ZNF273: variants seen among roughly 807,000 people sequenced by gnomAD.
ZNF273 encodes the protein zinc finger protein 273.
In ZNF273, 11 loss-of-function variants were observed where a neutral mutation model predicts 14.9. The observed-to-expected ratio is 0.74, with a 90% CI of 0.46 to 1.22. The LOEUF is 1.22. Ranked by LOEUF, ZNF273 falls within the 50% of genes most tolerant of loss-of-function variation. The pLI is 0.00. For synonymous variants in ZNF273, 199 were observed against 223.9 expected (o/e 0.89, Z 0.99); for missense variants, 577 against 660.6 (o/e 0.87, Z 1.39).
chr7:64,897,966 A>C (rs1792464588), exon 4 of ZNF273: 2 of 151,532 alleles, frequency 1.3e-5, no homozygotes, highest in Non-Finnish European at 2.9e-5. Context: ...TGACCTCGTA[A>C]TCCTCCCGCC....
chr7:64,916,557 A>C (rs1312420468), intron 1 of ZNF273, among the ~76,000 whole-genome samples: 4 of 151,220 alleles, frequency 2.6e-5, no homozygotes, highest in Non-Finnish European at 4.4e-5. Context: ...AAAAAAAAAA[A>C]AAAAAAAACC....
At chr7:64,918,072 A>C in intron 2 of ZNF273, 125 bp from the exon 3 acceptor site, 1 of 790,548 alleles carries the variant, frequency 1.3e-6, no homozygotes, top group Non-Finnish European at 1.8e-6. Context: ...AATTTACATT[A>C]CTAATTAGAT....
downstream of ZNF273, among the ~76,000 whole-genome samples, chr7:64,881,397 G>A (rs1289176097): frequency 6.6e-6 from 1 of 152,234 alleles, no homozygotes; most frequent in East Asian, 1.9e-4. Flanking sequence ...TTGAATGAGT[G>A]TTTCCTTCTA....
downstream of ZNF273, among the ~76,000 whole-genome samples, chr7:64,890,615 C>G (rs1427376637): frequency 1.3e-5 from 2 of 152,174 alleles, no homozygotes; most frequent in African/African-American, 2.4e-5. Flanking sequence ...GTGGCAGGTC[C>G]CATGTCCCTG....
At chr7:64,905,766 T>C (rs1406810186) in intron 1 of ZNF273, among the ~76,000 whole-genome samples, 1 of 152,180 alleles carries the variant, frequency 6.6e-6, no homozygotes, top group African/African-American at 2.4e-5. Context: ...GATCGTGGCC[T>C]GACTTGACAC....
At chr7:64,909,835 G>A (rs1375174098) in intron 1 of ZNF273, among the ~76,000 whole-genome samples, 1 of 150,222 alleles carries the variant, frequency 6.7e-6, no homozygotes, top group Non-Finnish European at 1.5e-5. Flanking sequence ...TGCAAGCATC[G>A]TTTTTTTTTG....
At chr7:64,936,251 A>G in the ZNF273 span, among the ~76,000 whole-genome samples, 6 of 152,246 alleles carry the variant, frequency 3.9e-5, no homozygotes, top group Non-Finnish European at 7.3e-5. Flanking sequence ...TGATGGGGGA[A>G]CAAATGCCAT....
chr7:64,923,593 C>G (rs1794624780), intron 3 of ZNF273: 9 of 299,756 alleles, frequency 3.0e-5, no homozygotes, highest in South Asian at 2.4e-4. Flanking sequence ...CCGCCCTCCT[C>G]AGCCTCCCAA....
rs554999512 is a variant in ZNF273 at position 64,915,254 on chromosome 7, A to G, written c.103-2327A>G. Among the ~76,000 whole-genome samples the G allele has an allele frequency of 5.9e-5, 9 of 152,222 alleles. No individual in the cohort carries two copies. In the East Asian group the frequency reaches 1.6e-3, roughly 26 times the overall value. On this transcript the variant is annotated intron_variant, in intron 1 of 3. Coordinates refer to ENST00000476120, the MANE Select transcript of ZNF273 (RefSeq NM_021148.3). ...GGATACTCAACATTCCTATTGGGGA[A>G]AAGCTGGTGCCGAGACCAGCTCGGT...
At chr7:64,912,288 G>A (rs1793570421) in intron 1 of ZNF273, among the ~76,000 whole-genome samples, 1 of 151,862 alleles carries the variant, frequency 6.6e-6, no homozygotes, top group African/African-American at 2.4e-5. Flanking sequence ...GGAGAGTTCT[G>A]TAGATTTCTA....
downstream of ZNF273, among the ~76,000 whole-genome samples, chr7:64,935,572 G>A (rs1190534102): frequency 6.6e-6 from 1 of 151,974 alleles, no homozygotes; most frequent in Non-Finnish European, 1.5e-5. Context: ...ACCTATGCTG[G>A]AGTGCAGTGG....
intron 3 of ZNF273, chr7:64,923,599 C>T (rs941389591): frequency 2.7e-5 from 8 of 292,616 alleles, no homozygotes; most frequent in African/African-American, 1.2e-4. Context: ...TCCTCAGCCT[C>T]CCAAAGTGCT....
upstream of ZNF273, among the ~76,000 whole-genome samples, chr7:64,901,452 A>G (rs372958799): frequency 7.2e-5 from 11 of 152,324 alleles, no homozygotes; most frequent in East Asian, 1.4e-3. Flanking sequence ...TTGGTAGACT[A>G]TTGGTATCCC....
intron 1 of ZNF273, among the ~76,000 whole-genome samples, chr7:64,906,769 T>C (rs564585495): frequency 6.6e-6 from 1 of 152,124 alleles, no homozygotes; most frequent in Admixed American, 6.5e-5. Flanking sequence ...TAGGAAGGTC[T>C]TACTGGAGAT....
intron 3 of ZNF273, among the ~76,000 whole-genome samples, chr7:64,895,436 CCT>C (rs1470582296): frequency 2.6e-5 from 4 of 152,102 alleles, no homozygotes; most frequent in Non-Finnish European, 5.9e-5. Context: ...ATCTGCTCAA[CCT>C]GTTAATCAGT....
chr7:64,879,604 GC>G (rs1359957955), exon 3 of ZNF273: 1 of 152,436 alleles, frequency 6.6e-6, no homozygotes, highest in Non-Finnish European at 1.5e-5. Flanking sequence ...AGAAGCAGGA[GC>G]CCCTGTGAGG....
Position 64,928,181 on chromosome 7 carries a change from A to C in ZNF273, c.853A>C (p.Thr285Pro). Residue 285 changes from threonine (T) to proline (P), a missense_variant, in exon 4 of 4, where the codon ACT (threonine) becomes CCT (proline). Coordinates refer to ENST00000476120, the MANE Select transcript of ZNF273 (RefSeq NM_021148.3). Reference sequence around the variant, plus strand: ...TCTTACTAAACATAAAAAAATTCATACTGAAGAGAAACCTTACAAATGTGA... The same window carrying C: ...TCTTACTAAACATAAAAAAATTCATCCTGAAGAGAAACCTTACAAATGTGA... ...LTLTKHKKIH[T>P]EEKPYKCEDC... 1.2e-6 allele frequency: 2 copies of C among 1,613,342 alleles called. No homozygotes were observed. The highest frequency in any genetic ancestry group is 1.7e-6 in the Non-Finnish European group (2 of 1,179,756).
Position 64,895,106 on chromosome 7 carries a change from C to T in ZNF273, n.488+1209C>T, listed in dbSNP as rs1792289466. On this transcript the variant is annotated intron_variant and non_coding_transcript_variant, in intron 3 of 7. Transcript: ENST00000527278. ...GAGCCCTAATCGTGCCGCTGCACTCCAGCCTGGGTGGCAGAGCGAGACTCC... is the reference window on the plus strand; with the variant it reads ...GAGCCCTAATCGTGCCGCTGCACTCTAGCCTGGGTGGCAGAGCGAGACTCC... Among the ~76,000 whole-genome samples the T allele has an allele frequency of 2.0e-5, 3 of 152,150 alleles. No homozygotes were observed. The South Asian group carries it at 6.2e-4, about 32-fold the overall frequency.
chr7:64,913,087 C>T (rs1009288074), intron 1 of ZNF273, among the ~76,000 whole-genome samples: 1 of 151,940 alleles, frequency 6.6e-6, no homozygotes, highest in Non-Finnish European at 1.5e-5. Context: ...CCTGCCTTGA[C>T]CTCCCAAAGT....
Sources: gnomAD v4.1 joint callset for allele counts (sites outside exome capture counted in the v4.1 genomes callset) on GRCh38, gnomAD v4.1.1 for gene constraint, MANE v1.5 for transcripts, NCBI Gene and HGNC (gene_info 2026-07-23, HGNC 2026-07-21) for gene names.